Variants in TMEM132D observed in about 807,000 individuals in gnomAD.
The protein encoded by TMEM132D is mature OL transmembrane protein.
TMEM132D carries 21 observed loss-of-function variants against 62.3 expected under a neutral mutation model. The ratio of observed to expected loss-of-function variants is 0.34; its 90% CI spans 0.24 to 0.49. The LOEUF (loss-of-function observed/expected upper bound fraction) is 0.49, where lower values mean the gene tolerates loss of function less well. Among genes scored for constraint, TMEM132D ranks in the 20% least tolerant of loss-of-function variants. TMEM132D has a pLI of 0.99. For missense variants in TMEM132D, 1,346 were observed against 1,402.8 expected (o/e 0.96, Z 0.65); for synonymous variants, 621 against 575.6 (o/e 1.08, Z -1.13).
At chr12:129,747,589 C>T (rs1453800813) in intron 1 of TMEM132D, among the ~76,000 whole-genome samples, 2 of 150,022 alleles carry the variant, frequency 1.3e-5, no homozygotes, top group South Asian at 4.2e-4. Context: ...CACACGCGCT[C>T]ACATGCACAC....
intron 2 of TMEM132D, among the ~76,000 whole-genome samples, chr12:129,640,599 G>A (rs1665651067): frequency 6.6e-6 from 1 of 152,164 alleles, no homozygotes; most frequent in African/African-American, 2.4e-5. Context: ...GGAGGGACCT[G>A]GAGAGGCCAC....
intron 1 of TMEM132D, among the ~76,000 whole-genome samples, chr12:129,795,689 A>G (rs1593164729): frequency 2.0e-5 from 3 of 152,300 alleles, no homozygotes; most frequent in African/African-American, 7.2e-5. Context: ...CTTTACATCA[A>G]AAATGTATGT....
chr12:129,752,846 G>A (rs1870043360), intron 1 of TMEM132D, among the ~76,000 whole-genome samples: 1 of 152,168 alleles, frequency 6.6e-6, no homozygotes, highest in Non-Finnish European at 1.5e-5. Flanking sequence ...GCTCAGATGG[G>A]ACCACTTACT....
intron 2 of TMEM132D, among the ~76,000 whole-genome samples, chr12:129,566,275 A>G (rs1442743779): frequency 6.6e-6 from 1 of 152,226 alleles, no homozygotes; most frequent in Non-Finnish European, 1.5e-5. Flanking sequence ...AGAAATCAGA[A>G]TTTTGGAAAA....
At chr12:129,184,543 G>T (rs1184128971) in intron 5 of TMEM132D, among the ~76,000 whole-genome samples, 1 of 152,224 alleles carries the variant, frequency 6.6e-6, no homozygotes, top group Admixed American at 6.5e-5. Context: ...AGCCCAGAAG[G>T]GCTGGGGTGG....
chr12:129,578,028 C>T (rs563534615), intron 2 of TMEM132D, among the ~76,000 whole-genome samples: 8 of 152,294 alleles, frequency 5.3e-5, no homozygotes, highest in Non-Finnish European at 7.3e-5. Flanking sequence ...AAAAGGCAGA[C>T]GAAGGGTCCA....
chr12:129,828,782 A>AGGAGGGAGGGAGGGAG (rs1317969276), intron 1 of TMEM132D, among the ~76,000 whole-genome samples: 11 of 43,510 alleles, frequency 2.5e-4, no homozygotes, highest in East Asian at 8.4e-4. Flanking sequence ...GAGGAAGAAA[A>AGGAGGGAGGGAGGGAG]GGAGGGAGGG....
chr12:129,197,161 G>A (rs75727675), intron 5 of TMEM132D, among the ~76,000 whole-genome samples: 6 of 152,264 alleles, frequency 3.9e-5, no homozygotes, highest in East Asian at 3.9e-4. Flanking sequence ...GTGGCTGTGC[G>A]GCAATGAAAC....
At position 129,574,148 on chromosome 12, in the gene TMEM132D, T is replaced by C. The variant is rs1877593960; in HGVS notation, c.969-42943A>G. 1.3e-5 allele frequency among the ~76,000 whole-genome samples: 2 copies of C among 151,860 alleles called. 1 individual carries two copies. The highest frequency in any genetic ancestry group is 4.9e-5 in the African/African-American group (2 of 41,174). ...GGCATGCTGAGATAGTTGGGTAGAGTATATTTATGCTTGCATCTTACTTTG... is the reference window on the plus strand; with the variant it reads ...GGCATGCTGAGATAGTTGGGTAGAGCATATTTATGCTTGCATCTTACTTTG... On this transcript the variant is annotated intron_variant, in intron 2 of 8. Transcript: ENST00000422113.
At chr12:129,590,501 G>C (rs1370123111) in intron 2 of TMEM132D, among the ~76,000 whole-genome samples, 2 of 152,184 alleles carry the variant, frequency 1.3e-5, no homozygotes, top group East Asian at 3.8e-4. Context: ...TGTTTCTCAT[G>C]GATCTTGTAA....
At chr12:129,588,415 A>G (rs1878090927) in intron 2 of TMEM132D, among the ~76,000 whole-genome samples, 2 of 152,182 alleles carry the variant, frequency 1.3e-5, no homozygotes. Context: ...TGTAAATGTT[A>G]AGTTTGTAAT....
intron 4 of TMEM132D, among the ~76,000 whole-genome samples, chr12:129,239,636 G>A (rs966091452): frequency 6.6e-6 from 1 of 152,196 alleles, no homozygotes; most frequent in Non-Finnish European, 1.5e-5. Flanking sequence ...CGGAAGCAGA[G>A]AGAATGCCAT....
chr12:129,547,106 C>T (rs1337534546), intron 2 of TMEM132D, among the ~76,000 whole-genome samples: 1 of 152,140 alleles, frequency 6.6e-6, no homozygotes, highest in Admixed American at 6.5e-5. Flanking sequence ...GAAGAATCCT[C>T]CCATTGCTGC....
chr12:129,305,076 GGA>G (rs1881816917), intron 4 of TMEM132D, among the ~76,000 whole-genome samples: 1 of 152,068 alleles, frequency 6.6e-6, no homozygotes, highest in South Asian at 2.1e-4. Flanking sequence ...TATTACTTGG[GGA>G]ATGCCAGTAC....
intron 1 of TMEM132D, among the ~76,000 whole-genome samples, chr12:129,809,762 A>C (rs1467612841): frequency 6.6e-6 from 1 of 152,206 alleles, no homozygotes; most frequent in African/African-American, 2.4e-5. Flanking sequence ...AATCTAGGAA[A>C]TATGAGCAGA....
At chr12:129,315,180 G>A (rs1868441878) in intron 4 of TMEM132D, among the ~76,000 whole-genome samples, 1 of 152,160 alleles carries the variant, frequency 6.6e-6, no homozygotes, top group African/African-American at 2.4e-5. Context: ...GCAGAACTAT[G>A]TTGAAGAGGA....
chr12:129,292,536 G>T (rs1881474578), intron 4 of TMEM132D, among the ~76,000 whole-genome samples: 1 of 152,306 alleles, frequency 6.6e-6, no homozygotes, highest in Admixed American at 6.5e-5. Flanking sequence ...CTAGCTCACT[G>T]CTACACTCCT....
intron 1 of TMEM132D, among the ~76,000 whole-genome samples, chr12:129,749,138 A>C (rs1040428853): frequency 6.6e-6 from 1 of 152,178 alleles, no homozygotes; most frequent in Non-Finnish European, 1.5e-5. Context: ...TATTGATTGT[A>C]TTTCTAAGAA....
intron 3 of TMEM132D, among the ~76,000 whole-genome samples, chr12:129,513,802 ATTTT>A (rs546917620): frequency 5.5e-5 from 7 of 127,866 alleles, no homozygotes; most frequent in South Asian, 5.3e-4. Context: ...ACCAATTTTT[ATTTT>A]TATTTATTTA....
Sources: gnomAD v4.1 joint callset for allele counts (sites outside exome capture counted in the v4.1 genomes callset) on GRCh38, gnomAD v4.1.1 for gene constraint, MANE v1.5 for transcripts, NCBI Gene and HGNC (gene_info 2026-07-23, HGNC 2026-07-21) for gene names.